TMEM40: variants seen among roughly 807,000 people sequenced by gnomAD.
TMEM40 encodes the protein transmembrane protein 40.
TMEM40 carries 34 observed loss-of-function variants against 40.8 expected under a neutral mutation model. The observed-to-expected ratio is 0.83, with a 90% CI of 0.63 to 1.11. The LOEUF (loss-of-function observed/expected upper bound fraction) is 1.11, where lower values mean the gene tolerates loss of function less well. Among genes scored for constraint, TMEM40 ranks in the 50% least tolerant of loss-of-function variants. The pLI, the probability that TMEM40 is intolerant of heterozygous loss-of-function variation, is 0.00. For synonymous variants in TMEM40, 106 were observed against 107.0 expected (o/e 0.99, Z 0.06); for missense variants, 296 against 280.2 (o/e 1.06, Z -0.40).
intron 5 of TMEM40, 40 bp downstream of exon 5, chr3:12,742,414 G>C (rs368638409): frequency 9.3e-6 from 15 of 1,606,318 alleles, no homozygotes; most frequent in Non-Finnish European, 1.3e-5. Flanking sequence ...CTTTTCCTTC[G>C]TCTAATTGTT....
At chr3:12,758,560 C>T (rs1559534972) in intron 1 of TMEM40, among the ~76,000 whole-genome samples, 1 of 152,058 alleles carries the variant, frequency 6.6e-6, no homozygotes, top group Non-Finnish European at 1.5e-5. Flanking sequence ...TGTGCCTGAG[C>T]CCCCAACAGG....
Position 12,737,764 on chromosome 3 carries a change from A to G in TMEM40, c.425-10T>C, listed in dbSNP as rs374878444. Reference sequence around the variant, plus strand: ...GAGGCCTCCACTTCTCCTTAAGAACAAGAGAGAGATGAATATTTAACTTTG... The same window carrying G: ...GAGGCCTCCACTTCTCCTTAAGAACGAGAGAGAGATGAATATTTAACTTTG... On this transcript the variant is annotated splice_polypyrimidine_tract_variant and intron_variant, in intron 7 of 11. Coordinates refer to ENST00000314124, the MANE Select transcript of TMEM40 (RefSeq NM_018306.4). 5 of 1,613,172 alleles carry G rather than the reference A, an allele frequency of 3.1e-6. No individual in the cohort carries two copies. Among genetic ancestry groups the G allele is most frequent in the African/African-American group, 1.3e-5 (1 of 74,912 alleles).
At position 12,747,591 on chromosome 3, in the gene TMEM40, G is replaced by T. The variant is rs375535087; in HGVS notation, c.211+1064C>A. Among the ~76,000 whole-genome samples, 18 of 152,206 alleles carry T rather than the reference G, an allele frequency of 1.2e-4. 2 individuals carry two copies. Among genetic ancestry groups the T allele is most frequent in the Admixed American group, 2.6e-4 (4 of 15,268 alleles). ...AAAGAACATTCTGCTGTTTCTTGGA[G>T]AATAATGTGGTTATTTGTAATCAGG... On this transcript the variant is annotated intron_variant, in intron 3 of 11. Transcript: ENST00000314124.
At chr3:12,741,078 C>G (rs967303900) in intron 5 of TMEM40, among the ~76,000 whole-genome samples, 1 of 152,202 alleles carries the variant, frequency 6.6e-6, no homozygotes. Context: ...GCTTCTAGAC[C>G]TACCAGGCTC....
In TMEM40 at chr3:12,742,487, C is replaced by T; in HGVS notation, c.322G>A (p.Asp108Asn). The T allele has an allele frequency of 6.2e-7, 1 of 1,614,008 alleles. No individual in the cohort carries two copies. Among genetic ancestry groups the T allele is most frequent in the South Asian group, 1.1e-5 (1 of 91,058 alleles). ...GSPGPGHGEPDVLKDELQLYG... is the reference protein window; with the variant it reads ...GSPGPGHGEPNVLKDELQLYG... ...AGTTGAAGCTCATCCTTCAAAACGT[C>T]AGGCTCCCCATGCCCAGGACCTGGA... The change falls in exon 5 of 12, where the codon GAC becomes AAC. Residue 108 changes from aspartate (D) to asparagine (N), a missense_variant. Transcript: ENST00000314124.
upstream of TMEM40, among the ~76,000 whole-genome samples, chr3:12,761,220 G>A (rs1315849277): frequency 6.6e-6 from 1 of 152,220 alleles, no homozygotes; most frequent in Non-Finnish European, 1.5e-5. Context: ...GAGGGGAGAG[G>A]AGGAAGCAAG....
rs149782077 is a variant in TMEM40, at chr3:12,747,451, T to C, written c.211+1204A>G. On this transcript the variant is annotated intron_variant, in intron 3 of 11. Coordinates refer to ENST00000314124, the MANE Select transcript of TMEM40 (RefSeq NM_018306.4). ...TTTATGGGTTGCTGTGAGAATTGAG[T>C]TATTACATGCAAGTGCTTACAACAG... Among the ~76,000 whole-genome samples, 566 of 152,236 alleles carry C rather than the reference T, an allele frequency of 3.7e-3. 14 individuals are homozygous for C. The highest frequency in any genetic ancestry group is 0.029 in the Admixed American group (441 of 15,274).
intron 5 of TMEM40, 47 bp from the exon 6 acceptor site, chr3:12,738,635 G>A (rs372193011): frequency 3.8e-6 from 6 of 1,597,436 alleles, no homozygotes; most frequent in Admixed American, 3.3e-5. Context: ...ATCCTCTGGG[G>A]GGGGAGAAGT....
intron 3 of TMEM40, 72 bp from the exon 4 acceptor site, chr3:12,744,061 G>T: frequency 6.9e-7 from 1 of 1,459,280 alleles, no homozygotes; most frequent in East Asian, 2.4e-5. Context: ...CATTCTGGTG[G>T]CCATTCTCAG....
At chr3:12,767,327 G>A (rs1268033374) in intron 1 of TMEM40, among the ~76,000 whole-genome samples, 1 of 152,066 alleles carries the variant, frequency 6.6e-6, no homozygotes, top group East Asian at 1.9e-4. Flanking sequence ...AGGACAGCAG[G>A]GGGGAAAAGG....
At chr3:12,746,974 A>G (rs945327861) in intron 3 of TMEM40, among the ~76,000 whole-genome samples, 2 of 152,140 alleles carry the variant, frequency 1.3e-5, no homozygotes, top group African/African-American at 4.8e-5. Context: ...CTTCTTCCAG[A>G]GCCAAACCTC....
At chr3:12,764,730 T>C (rs1318069822) in intron 1 of TMEM40, among the ~76,000 whole-genome samples, 1 of 152,176 alleles carries the variant, frequency 6.6e-6, no homozygotes, top group East Asian at 1.9e-4. Flanking sequence ...TTGGATCTCG[T>C]TACCTGAGGG....
chr3:12,736,428 G>T (rs2061337661), intron 10 of TMEM40, 150 bp downstream of exon 10: 1 of 882,668 alleles, frequency 1.1e-6, no homozygotes. Context: ...GGGATTACAG[G>T]CGTAAGCCAC....
upstream of TMEM40, among the ~76,000 whole-genome samples, chr3:12,761,303 G>C (rs1449855961): frequency 6.6e-6 from 1 of 152,178 alleles, no homozygotes; most frequent in Non-Finnish European, 1.5e-5. Context: ...GACCAAACCT[G>C]TGTTTAAGAT....
rs1212455711 is a variant in TMEM40 at position 12,748,662 on chromosome 3, G to GGAGGAGGATGAAGAAGAT, written c.186_203dup (p.Ser65_Ser70dup). 1.9e-6 allele frequency: 3 copies of GGAGGAGGATGAAGAAGAT among 1,611,984 alleles called. No individual in the cohort carries two copies. The highest frequency in any genetic ancestry group is 1.7e-5 in the Admixed American group (1 of 59,994). On this transcript the variant is annotated inframe_insertion, in exon 3 of 12. Transcript: ENST00000314124. ...TTTAAATCTCTGCTATACCTGAGGA[G>GGAGGAGGATGAAGAAGAT]GAGGAGGATGAAGAAGATGAGGAGG...
chr3:12,745,660 G>A (rs529122412), intron 3 of TMEM40, among the ~76,000 whole-genome samples: 69 of 152,144 alleles, frequency 4.5e-4, no homozygotes, highest in Non-Finnish European at 8.8e-4. Context: ...TGTTGCCCAC[G>A]CTGGTCTCGA....
chr3:12,752,137 A>G (rs1426849400), intron 1 of TMEM40, among the ~76,000 whole-genome samples: 1 of 152,032 alleles, frequency 6.6e-6, no homozygotes, highest in African/African-American at 2.4e-5. Flanking sequence ...CACCCAGGCT[A>G]AAGTGCAGTG....
At chr3:12,755,213 T>TTCTCTCTCTCTC (rs754041538) in intron 1 of TMEM40, among the ~76,000 whole-genome samples, 27 of 94,306 alleles carry the variant, frequency 2.9e-4, no homozygotes, top group African/African-American at 1.0e-3. Context: ...CTTTCTTTCT[T>TTCTCTCTCTCTC]TCTCTCTCTC....
Position 12,744,038 on chromosome 3 carries a change from C to T in TMEM40, c.212-49G>A, listed in dbSNP as rs1421059347. 2.5e-6 allele frequency: 4 copies of T among 1,571,942 alleles called. No homozygotes were observed. In the Middle Eastern group the frequency reaches 5.1e-4, roughly 202 times the overall value. On this transcript the variant is annotated intron_variant, in intron 3 of 11. Transcript: ENST00000314124. ...TAGGAGAAGCTCAGCCTGGAACAAG[C>T]TGGGAATGCGTTCATTCTGGTGGCC...
Sources: gnomAD v4.1 joint callset for allele counts (sites outside exome capture counted in the v4.1 genomes callset) on GRCh38, gnomAD v4.1.1 for gene constraint, MANE v1.5 for transcripts, NCBI Gene and HGNC (gene_info 2026-07-23, HGNC 2026-07-21) for gene names.